The following SRPK2 variants were observed in gnomAD, a reference collection of about 807,000 sequenced individuals.
SRPK2 encodes SRSF protein kinase 2, also known as SFRS protein kinase 2.
In SRPK2, 21 loss-of-function variants were observed where a neutral mutation model predicts 90.8. That is an observed-to-expected ratio of 0.23 (90% CI 0.16 to 0.33). SRPK2 has a LOEUF of 0.33. SRPK2 is among the 10% of genes least tolerant of loss of function. The probability of loss-of-function intolerance (pLI) is 1.00; values close to 1 mark genes in which losing one functional copy is unlikely to be tolerated. For synonymous variants in SRPK2, 288 were observed against 311.1 expected, an observed-to-expected ratio of 0.93 and a Z score of 0.78; for missense variants, 620 against 869.0, an observed-to-expected ratio of 0.71 and a Z score of 3.60.
At chr7:105,253,308 A>G (rs924794676) in intron 2 of SRPK2, among the ~76,000 whole-genome samples, 1 of 152,216 alleles carries the variant, frequency 6.6e-6, no homozygotes. Flanking sequence ...AGCATATCTT[A>G]TAGCCTTCCA....
intron 2 of SRPK2, among the ~76,000 whole-genome samples, chr7:105,212,937 A>G (rs1277681515): frequency 1.3e-5 from 2 of 152,180 alleles, no homozygotes; most frequent in Non-Finnish European, 2.9e-5. Context: ...ATTAGGTATT[A>G]CAACTATTTA....
chr7:105,191,547 GAC>G (rs1794282860), intron 3 of SRPK2, among the ~76,000 whole-genome samples: 1 of 152,158 alleles, frequency 6.6e-6, no homozygotes, highest in Non-Finnish European at 1.5e-5. Context: ...AATAGAATGA[GAC>G]ACTCTATCTC....
chr7:105,152,237 C>T (rs530735785), intron 7 of SRPK2, among the ~76,000 whole-genome samples: 72 of 152,150 alleles, frequency 4.7e-4, no homozygotes, highest in Admixed American at 2.6e-3. Flanking sequence ...GCAACCTCCA[C>T]CTACTGGGTT....
At position 105,176,116 on chromosome 7, in the gene SRPK2, G is replaced by T. The variant is rs116253476; in HGVS notation, c.230-6851C>A. Among the ~76,000 whole-genome samples, 1,217 of 152,144 alleles carry T rather than the reference G, an allele frequency of 8.0e-3. 22 individuals are homozygous for T. The highest frequency in any genetic ancestry group is 0.028 in the African/African-American group (1,169 of 41,498). ...ATCAAATCAAATAATATATCAAAAG[G>T]ATAAAACATCATGATCAAATGGGGT... is the stretch of plus-strand genomic sequence containing the variant. On this transcript the variant is annotated intron_variant, in intron 3 of 15. Coordinates refer to ENST00000393651, the MANE Select transcript of SRPK2 (RefSeq NM_182692.3).
intron 2 of SRPK2, chr7:105,205,801 C>G (rs1275289729): frequency 1.7e-5 from 7 of 402,488 alleles, no homozygotes; most frequent in Non-Finnish European, 3.4e-5. Context: ...AGAAGCACAA[C>G]CCACTCTTCA....
intron 2 of SRPK2, among the ~76,000 whole-genome samples, chr7:105,313,536 G>C (rs1029940490): frequency 6.6e-6 from 1 of 151,584 alleles, no homozygotes; most frequent in Non-Finnish European, 1.5e-5. Flanking sequence ...GAATGCCTGA[G>C]CTCAGGAGTT....
intron 11 of SRPK2, among the ~76,000 whole-genome samples, chr7:105,135,996 A>G (rs1802747858): frequency 6.6e-6 from 1 of 152,036 alleles, no homozygotes; most frequent in African/African-American, 2.4e-5. Flanking sequence ...AACTCCTGAC[A>G]TCAAGTGATC....
chr7:105,258,742 A>G (rs1803744562), intron 2 of SRPK2, among the ~76,000 whole-genome samples: 1 of 152,204 alleles, frequency 6.6e-6, no homozygotes, highest in African/African-American at 2.4e-5. Flanking sequence ...ACACAAATCA[A>G]CAAACGTAAT....
At chr7:105,153,627 G>A (rs1174137657) in intron 7 of SRPK2, among the ~76,000 whole-genome samples, 1 of 152,110 alleles carries the variant, frequency 6.6e-6, no homozygotes, top group Non-Finnish European at 1.5e-5. Context: ...GAAATAGAAT[G>A]AGAGCAACTT....
chr7:105,182,981 C>T (rs1381343194), intron 3 of SRPK2, among the ~76,000 whole-genome samples: 1 of 152,046 alleles, frequency 6.6e-6, no homozygotes, highest in Non-Finnish European at 1.5e-5. Context: ...GTACTCAAGG[C>T]AAACTAGTAA....
chr7:105,390,890 G>C (rs1190017551), upstream of SRPK2, among the ~76,000 whole-genome samples: 1 of 151,944 alleles, frequency 6.6e-6, no homozygotes, highest in African/African-American at 2.4e-5. Flanking sequence ...AATTTTGTTG[G>C]CTATACTATA....
intron 15 of SRPK2, among the ~76,000 whole-genome samples, chr7:105,120,320 TTAAAC>T (rs1424420396): frequency 2.0e-5 from 3 of 152,168 alleles, no homozygotes; most frequent in African/African-American, 7.2e-5. Flanking sequence ...GCGCCAGGTG[TTAAAC>T]TAAGATCCAT....
At chr7:105,365,048 C>T (rs1818867528) in intron 2 of SRPK2, among the ~76,000 whole-genome samples, 1 of 152,188 alleles carries the variant, frequency 6.6e-6, no homozygotes, top group African/African-American at 2.4e-5. Flanking sequence ...AACCTGACTA[C>T]ATTTGCACAA....
At chr7:105,221,559 T>C (rs1457142332) in intron 2 of SRPK2, among the ~76,000 whole-genome samples, 2 of 152,192 alleles carry the variant, frequency 1.3e-5, no homozygotes, top group Non-Finnish European at 2.9e-5. Context: ...ACCATACCTA[T>C]TTGCCAAGGT....
intron 11 of SRPK2, among the ~76,000 whole-genome samples, chr7:105,141,452 A>G (rs1180655251): frequency 6.6e-6 from 1 of 152,224 alleles, no homozygotes; most frequent in East Asian, 1.9e-4. Context: ...GGTAGACAAG[A>G]ACACAAGAGC....
chr7:105,350,550 C>T (rs374921482), intron 2 of SRPK2, among the ~76,000 whole-genome samples: 2 of 111,318 alleles, frequency 1.8e-5, no homozygotes, highest in African/African-American at 3.4e-5. Context: ...TTTTTTGAGA[C>T]GGAATCTCTG....
At chr7:105,390,607 G>GTTTTTTTTTTTTTTTTTT (rs869259356), upstream of SRPK2, among the ~76,000 whole-genome samples, 3 of 109,008 alleles carry the variant, frequency 2.8e-5, no homozygotes, top group South Asian at 2.9e-4. Flanking sequence ...TTTTGTTTTT[G>GTTTTTTTTTTTTTTTTTT]TTTTTTTTTT....
intron 11 of SRPK2, among the ~76,000 whole-genome samples, chr7:105,138,752 T>G (rs1213350944): frequency 1.3e-5 from 2 of 152,138 alleles, no homozygotes; most frequent in Non-Finnish European, 2.9e-5. Context: ...TGAACCGAGA[T>G]CACGCCACTG....
At chr7:105,300,541 T>C (rs1160882258) in intron 2 of SRPK2, among the ~76,000 whole-genome samples, 1 of 152,178 alleles carries the variant, frequency 6.6e-6, no homozygotes, top group East Asian at 1.9e-4. Flanking sequence ...ACATCTAAGC[T>C]TCATGTCAGT....
Sources: allele counts gnomAD v4.1 joint callset (sites outside exome capture counted in the v4.1 genomes callset), GRCh38; gene constraint gnomAD v4.1.1; transcripts MANE v1.5; gene names NCBI Gene and HGNC (gene_info 2026-07-23, HGNC 2026-07-21).